Variants in SELENOF observed in about 807,000 individuals in gnomAD.
SELENOF encodes 15 kDa selenoprotein.
A neutral mutation model predicts 20.5 loss-of-function variants in SELENOF; 16 were observed. That is an observed-to-expected ratio of 0.78 (90% CI 0.53 to 1.19). The LOEUF (loss-of-function observed/expected upper bound fraction) is 1.19. Ranked by LOEUF, SELENOF falls within the 50% of genes most tolerant of loss-of-function variation. SELENOF has a pLI of 0.00. For missense variants in SELENOF, 215 were observed against 194.2 expected (o/e 1.11, Z -0.64); for synonymous variants, 78 against 74.5 (o/e 1.05, Z -0.24).
chr1:86,910,379 C>CA (rs962498881), intron 1 of SELENOF, among the ~76,000 whole-genome samples: 8 of 151,868 alleles, frequency 5.3e-5, no homozygotes, highest in Non-Finnish European at 1.0e-4. Context: ...GTCACATTCA[C>CA]AAAAAAATGA....
chr1:86,891,932 G>GTTT (rs111839796), intron 2 of SELENOF, among the ~76,000 whole-genome samples: 1 of 146,452 alleles, frequency 6.8e-6, no homozygotes. Flanking sequence ...TTATTATTTA[G>GTTT]TTTTTTTTTT....
intron 2 of SELENOF, among the ~76,000 whole-genome samples, chr1:86,889,706 G>A (rs1403371493): frequency 6.6e-6 from 1 of 152,034 alleles, no homozygotes; most frequent in African/African-American, 2.4e-5. Flanking sequence ...TTGCCTTAAT[G>A]GGCCATCTTG....
In SELENOF at chr1:86,914,030, C is replaced by G; in HGVS notation, c.82G>C (p.Ala28Pro). The G allele has an allele frequency of 6.2e-7, 1 of 1,613,916 alleles. No individual in the cohort carries two copies. Among genetic ancestry groups the G allele is most frequent in the Non-Finnish European group, 8.5e-7 (1 of 1,179,810 alleles). Reference protein sequence around the residue: ...LRLLLATVLQAVSAFGAEFSS... With the variant: ...LRLLLATVLQPVSAFGAEFSS... ...CTGCGAAGGTGATCTACACTCACCGCTTGAAGCACAGTCGCCAACAACAAC... is the reference window on the plus strand; with the variant it reads ...CTGCGAAGGTGATCTACACTCACCGGTTGAAGCACAGTCGCCAACAACAAC... The change falls in exon 1 of 5, where the codon GCG (alanine) becomes CCG (proline). Residue 28 changes from alanine to proline, a missense_variant and splice_region_variant. Ala to Pro is a conservative substitution (Grantham distance 27). Coordinates refer to ENST00000331835, the MANE Select transcript of SELENOF (RefSeq NM_004261.5).
intron 2 of SELENOF, 27 bp downstream of exon 2, chr1:86,903,254 T>TGGAA: frequency 6.3e-7 from 1 of 1,582,904 alleles, no homozygotes; most frequent in South Asian, 1.2e-5. Context: ...AACCATCCAA[T>TGGAA]GGAAGGAATA....
intron 4 of SELENOF, 126 bp downstream of exon 4, chr1:86,867,927 A>C: frequency 4.8e-6 from 2 of 415,010 alleles, no homozygotes; most frequent in Non-Finnish European, 4.2e-6. Flanking sequence ...TGAAATTAAA[A>C]ATTTAAATTG....
intron 1 of SELENOF, among the ~76,000 whole-genome samples, chr1:86,907,999 A>AAAAAAAAAAC (rs1659875960): frequency 1.1e-5 from 1 of 94,388 alleles, no homozygotes; most frequent in Non-Finnish European, 2.1e-5. Flanking sequence ...AAAAAAAAAC[A>AAAAAAAAAAC]AAAAAAAAAA....
At chr1:86,907,579 T>G (rs1659862661) in intron 1 of SELENOF, among the ~76,000 whole-genome samples, 1 of 152,240 alleles carries the variant, frequency 6.6e-6, no homozygotes, top group African/African-American at 2.4e-5. Context: ...AGATCAAATA[T>G]TAAATTTTAG....
At chr1:86,895,944 T>C (rs868738157) in intron 2 of SELENOF, among the ~76,000 whole-genome samples, 2 of 152,152 alleles carry the variant, frequency 1.3e-5, no homozygotes, top group African/African-American at 2.4e-5. Context: ...TAGTGGGATA[T>C]AGGCCAGGCG....
At chr1:86,913,754 G>A (rs1412464879) in intron 1 of SELENOF, 2 of 408,202 alleles carry the variant, frequency 4.9e-6, no homozygotes, top group African/African-American at 2.0e-5. Flanking sequence ...CTCCCACCTG[G>A]TGTGGTTTAC....
At chr1:86,892,087 T>C (rs746362877) in intron 2 of SELENOF, among the ~76,000 whole-genome samples, 13 of 152,004 alleles carry the variant, frequency 8.6e-5, no homozygotes, top group Non-Finnish European at 1.9e-4. Context: ...CCCGCCACCA[T>C]GCCCAGTTAA....
intron 2 of SELENOF, among the ~76,000 whole-genome samples, chr1:86,897,676 C>T (rs1659561831): frequency 6.6e-6 from 1 of 152,158 alleles, no homozygotes; most frequent in East Asian, 1.9e-4. Flanking sequence ...TTGCATTATT[C>T]CACAACCCTA....
At chr1:86,890,990 G>A (rs952389720) in intron 2 of SELENOF, among the ~76,000 whole-genome samples, 7 of 150,340 alleles carry the variant, frequency 4.7e-5, no homozygotes, top group Non-Finnish European at 8.9e-5. Context: ...TTATGTTTTC[G>A]TCCAACAAAC....
At chr1:86,881,898 C>A (rs1289577877) in intron 2 of SELENOF, among the ~76,000 whole-genome samples, 5 of 151,980 alleles carry the variant, frequency 3.3e-5, no homozygotes, top group African/African-American at 7.2e-5. Flanking sequence ...ATTAAGAATT[C>A]TGATGATCTC....
intron 2 of SELENOF, among the ~76,000 whole-genome samples, chr1:86,898,000 T>C (rs1231345519): frequency 5.3e-5 from 8 of 152,246 alleles, no homozygotes; most frequent in Non-Finnish European, 8.8e-5. Flanking sequence ...CTTCTAAAGA[T>C]TCAATATATA....
At chr1:86,882,567 T>C (rs1035269084) in intron 2 of SELENOF, among the ~76,000 whole-genome samples, 9 of 150,400 alleles carry the variant, frequency 6.0e-5, no homozygotes, top group African/African-American at 2.2e-4. Context: ...GAATGAGAAG[T>C]GGTCCAGTGG....
intron 3 of SELENOF, among the ~76,000 whole-genome samples, chr1:86,876,084 G>C (rs755024308): frequency 1.3e-5 from 2 of 151,294 alleles, no homozygotes; most frequent in African/African-American, 2.4e-5. Context: ...GTGTTGAAGA[G>C]GTAATGAAGT....
At chr1:86,900,471 G>A (rs1409680557) in intron 2 of SELENOF, among the ~76,000 whole-genome samples, 2 of 152,216 alleles carry the variant, frequency 1.3e-5, no homozygotes, top group South Asian at 2.1e-4. Flanking sequence ...GCCTGCAATC[G>A]CAGGCACTCG....
intron 2 of SELENOF, among the ~76,000 whole-genome samples, chr1:86,884,346 T>TACAC (rs142756978): frequency 0.011 from 1,615 of 145,534 alleles, 19 homozygotes; most frequent in Non-Finnish European, 0.017. Flanking sequence ...CGCACATACA[T>TACAC]ACACACACAC....
At chr1:86,875,641 G>A (rs1361530096) in intron 3 of SELENOF, among the ~76,000 whole-genome samples, 1 of 152,106 alleles carries the variant, frequency 6.6e-6, no homozygotes, top group Admixed American at 6.5e-5. Flanking sequence ...GTATATCAAT[G>A]ATTAAAAAAC....
Sources: gnomAD v4.1 joint callset for allele counts (sites outside exome capture counted in the v4.1 genomes callset) on GRCh38, gnomAD v4.1.1 for gene constraint, MANE v1.5 for transcripts, NCBI Gene and HGNC (gene_info 2026-07-23, HGNC 2026-07-21) for gene names.